Variants in ATP6V0D1 observed in about 807,000 individuals in gnomAD.
The protein encoded by ATP6V0D1 is ATPase H+ transporting V0 subunit d1, also known as V-type proton ATPase subunit d 1.
ATP6V0D1 carries 13 observed loss-of-function variants against 39.0 expected under a neutral mutation model. That is an observed-to-expected ratio of 0.33 (90% CI 0.22 to 0.53). The LOEUF is 0.53. Ranked by LOEUF, ATP6V0D1 falls within the 20% of genes least tolerant of loss-of-function variation. The pLI is 0.94. For synonymous variants in ATP6V0D1, 191 were observed against 191.2 expected (o/e 1.00, Z 0.01); for missense variants, 272 against 470.9 (o/e 0.58, Z 3.91).
chr16:67,460,983 C>T (rs2041285076), intron 1 of ATP6V0D1, among the ~76,000 whole-genome samples: 2 of 152,234 alleles, frequency 1.3e-5, no homozygotes, highest in African/African-American at 4.8e-5. Context: ...CCTGGCCAGT[C>T]ACCAGGTAAC....
chr16:67,473,867 C>T (rs898311200), intron 1 of ATP6V0D1, among the ~76,000 whole-genome samples: 11 of 152,228 alleles, frequency 7.2e-5, no homozygotes, highest in South Asian at 6.2e-4. Flanking sequence ...ACCATGTTGG[C>T]CAGGCTGGTA....
At position 67,447,108 on chromosome 16, in the gene ATP6V0D1, C is replaced by A. The variant is rs541525420; in HGVS notation, c.303-2402G>T. On this transcript the variant is annotated intron_variant, in intron 2 of 7. Coordinates refer to ENST00000290949, the MANE Select transcript of ATP6V0D1 (RefSeq NM_004691.5). This position sits in a 1 kb window ranked among gnomAD's most constrained non-coding sequence, Gnocchi z 4.1. ...AACGTCCCCCTCCTTGCGCCCCCCACTCAGGGCATCTGTTTATGTGGGGGA... is the reference window on the plus strand; with the variant it reads ...AACGTCCCCCTCCTTGCGCCCCCCAATCAGGGCATCTGTTTATGTGGGGGA... Among the ~76,000 whole-genome samples the A allele has an allele frequency of 1.8e-3, 279 of 152,330 alleles. 1 individual carries two copies. Among genetic ancestry groups the A allele is most frequent in the African/African-American group, 6.4e-3 (266 of 41,568 alleles).
chr16:67,479,062 C>T lies in ATP6V0D1; in HGVS notation c.130+1895G>A, dbSNP rs545576292. On this transcript the variant is annotated intron_variant, in intron 1 of 7. Coordinates refer to ENST00000290949, the MANE Select transcript of ATP6V0D1 (RefSeq NM_004691.5). ...GCCTCCCTCTATTCTCCCCTTTTTA[C>T]CACAGTAAGGGTAATCGGTTGCTGG... 2.0e-5 allele frequency among the ~76,000 whole-genome samples: 3 copies of T among 152,256 alleles called. No homozygotes were observed. In the South Asian group the frequency reaches 6.2e-4, roughly 32 times the overall value.
At chr16:67,441,687 C>CGCT in intron 4 of ATP6V0D1, 1 of 152,374 alleles carries the variant, frequency 6.6e-6, no homozygotes, top group Non-Finnish European at 1.5e-5. Flanking sequence ...TGATCCCTGG[C>CGCT]GCTGCCAGTG....
chr16:67,468,858 G>A (rs2041350724), intron 1 of ATP6V0D1, among the ~76,000 whole-genome samples: 1 of 152,122 alleles, frequency 6.6e-6, no homozygotes, highest in South Asian at 2.1e-4. Flanking sequence ...TCGGAAACCA[G>A]GCCCAAGAAA....
chr16:67,445,010 T>C (rs899200695), intron 2 of ATP6V0D1, among the ~76,000 whole-genome samples: 1 of 152,200 alleles, frequency 6.6e-6, no homozygotes. Flanking sequence ...AACAGTGTTC[T>C]AACAGGACAC....
chr16:67,455,469 ACT>A (rs1432326697), intron 1 of ATP6V0D1: 5 of 152,068 alleles, frequency 3.3e-5, no homozygotes, highest in Non-Finnish European at 7.4e-5. Context: ...AGCAGGCCAC[ACT>A]CATGACCTCT....
Position 67,450,999 on chromosome 16 carries a change from G to A in ATP6V0D1, c.302+2545C>T, listed in dbSNP as rs193021129. On this transcript the variant is annotated intron_variant, in intron 2 of 7. Coordinates refer to ENST00000290949, the MANE Select transcript of ATP6V0D1 (RefSeq NM_004691.5). ...CTGCCCAAGAGGAGGCTGGGGGCAG[G>A]AGAGCAATGGTGTTTAAGACGGGAA... 3.9e-5 allele frequency among the ~76,000 whole-genome samples: 6 copies of A among 152,348 alleles called. No homozygotes were observed. In the East Asian group the frequency reaches 1.2e-3, roughly 29 times the overall value.
chr16:67,450,275 T>G (rs1027202296), intron 2 of ATP6V0D1, among the ~76,000 whole-genome samples: 15 of 152,124 alleles, frequency 9.9e-5, no homozygotes, highest in Admixed American at 8.5e-4. Context: ...AGGACATGTA[T>G]AGTTCCCTCA....
chr16:67,446,305 C>T (rs2041114475), intron 2 of ATP6V0D1, among the ~76,000 whole-genome samples: 1 of 152,196 alleles, frequency 6.6e-6, no homozygotes, highest in Non-Finnish European at 1.5e-5. Flanking sequence ...TCTGCACTCC[C>T]CCAGCTCCCA....
chr16:67,443,053 C>T (rs1366170441), intron 4 of ATP6V0D1, 46 bp downstream of exon 4: 1 of 1,599,312 alleles, frequency 6.3e-7, no homozygotes. Flanking sequence ...TCCCACAGCC[C>T]CACCCACCGA....
Position 67,453,784 on chromosome 16 carries a change from C to A in ATP6V0D1, c.131-69G>T. 1 of 1,486,710 alleles carries A rather than the reference C, an allele frequency of 6.7e-7. No homozygotes were observed. Among genetic ancestry groups the A allele is most frequent in the South Asian group, 1.2e-5 (1 of 84,596 alleles). The allele number at this position is 1,486,710 out of a possible 1,614,324, so 92.1% of individuals were successfully genotyped here. On this transcript the variant is annotated intron_variant, in intron 1 of 7. Transcript: ENST00000290949. The surrounding 1 kb of genome is among the most constrained non-coding windows in gnomAD (Gnocchi z 4.1). ...TCCCCAAGGGTCCCAAGTCCCCATC[C>A]CCACCCCAACTCAGCCCCAGCTCTC...
At chr16:67,462,251 T>C (rs1445445560) in intron 1 of ATP6V0D1, among the ~76,000 whole-genome samples, 1 of 152,222 alleles carries the variant, frequency 6.6e-6, no homozygotes, top group Middle Eastern at 3.2e-3. Context: ...CAGCCCAGCC[T>C]GAGAATCAGA....
chr16:67,438,527 G>A lies in ATP6V0D1; in HGVS notation c.*1C>T, dbSNP rs971643206. On this transcript the variant is annotated 3_prime_UTR_variant, in exon 8 of 8. Coordinates refer to ENST00000290949, the MANE Select transcript of ATP6V0D1 (RefSeq NM_004691.5). ...GCAATTGAGAGCCTTGGGCCAGGAC[G>A]CTAGAAGATAGGGATGTAGTTGTCG... The A allele has an allele frequency of 8.1e-6, 13 of 1,613,968 alleles. No homozygotes were observed. Among genetic ancestry groups the A allele is most frequent in the African/African-American group, 4.0e-5 (3 of 74,906 alleles).
intron 1 of ATP6V0D1, among the ~76,000 whole-genome samples, chr16:67,478,333 C>T (rs1028640155): frequency 1.3e-5 from 2 of 152,062 alleles, no homozygotes; most frequent in African/African-American, 4.8e-5. Flanking sequence ...GTGTGAATGG[C>T]CAAGCGTGGT....
In ATP6V0D1 at chr16:67,439,316, T is replaced by A. The variant is rs2041018866; in HGVS notation, c.597A>T (p.Leu199=). 6.2e-7 allele frequency: 1 copy of A among 1,613,966 alleles called. No individual in the cohort carries two copies. Among genetic ancestry groups the A allele is most frequent in the African/African-American group, 1.3e-5 (1 of 74,894 alleles). Residue 199 remains leucine (L), a synonymous_variant, in exon 5 of 8, where the codon CTA becomes CTT. Transcript: ENST00000290949. ...TGGCATCAGCCGTAGTCCCGCCCAG[T>A]AGGGTGCAGAACTTGTAGAAGGACT... ...YLESFYKFCT[L]LGGTTADAMC... is the part of the protein sequence containing the mutation.
In ATP6V0D1 at chr16:67,479,885, C is replaced by T. The variant is rs537663576; in HGVS notation, c.130+1072G>A. ...TAGGGACACCTCTAACTCAGTACAT[C>T]TGTTGGAGCTGTGCCTCAGAAGTCA... On this transcript the variant is annotated intron_variant, in intron 1 of 7. Coordinates refer to ENST00000290949, the MANE Select transcript of ATP6V0D1 (RefSeq NM_004691.5). Among the ~76,000 whole-genome samples the T allele has an allele frequency of 3.7e-4, 57 of 152,296 alleles. 1 individual carries two copies. In the South Asian group the frequency reaches 0.012, roughly 32 times the overall value.
intron 1 of ATP6V0D1, among the ~76,000 whole-genome samples, chr16:67,476,980 C>A (rs761536908): frequency 1.0e-4 from 15 of 146,642 alleles, no homozygotes; most frequent in Non-Finnish European, 1.9e-4. Flanking sequence ...TTGCAGTGAG[C>A]CGAGATGTCC....
intron 4 of ATP6V0D1, chr16:67,440,412 T>G (rs1355484975): frequency 6.6e-6 from 1 of 152,258 alleles, no homozygotes; most frequent in East Asian, 1.9e-4. Context: ...CACCTCTCCA[T>G]GCCAAGGAAG....
Sources: gnomAD v4.1 joint callset for allele counts (sites outside exome capture counted in the v4.1 genomes callset) on GRCh38, gnomAD v4.1.1 for gene constraint, Gnocchi (gnomAD v3.1) non-coding constraint, MANE v1.5 for transcripts, NCBI Gene and HGNC (gene_info 2026-07-23, HGNC 2026-07-21) for gene names.